The following ASB3 variants were observed in gnomAD, a reference collection of about 807,000 sequenced individuals.
The protein encoded by ASB3 is ankyrin repeat and SOCS box containing 3.
A neutral mutation model predicts 54.5 loss-of-function variants in ASB3; 41 were observed. The ratio of observed to expected loss-of-function variants is 0.75; its 90% CI spans 0.59 to 0.98. The LOEUF (loss-of-function observed/expected upper bound fraction) is 0.98. Among genes scored for constraint, ASB3 ranks in the 50% least tolerant of loss-of-function variants. The pLI, the probability that ASB3 is intolerant of heterozygous loss-of-function variation, is 0.00. For synonymous variants in ASB3, 266 were observed against 221.2 expected (o/e 1.20, Z -1.80); for missense variants, 733 against 620.0 (o/e 1.18, Z -1.94).
chr2:53,685,060 T>A (rs1668562676), intron 9 of ASB3, among the ~76,000 whole-genome samples: 1 of 152,168 alleles, frequency 6.6e-6, no homozygotes, highest in Admixed American at 6.5e-5. Flanking sequence ...CGGGGAGGCA[T>A]GGAAAGGGCC....
intron 3 of ASB3, among the ~76,000 whole-genome samples, chr2:53,744,804 T>C (rs558505458): frequency 3.3e-5 from 5 of 152,344 alleles, no homozygotes; most frequent in Admixed American, 3.3e-4. Flanking sequence ...TTTTAGAATA[T>C]GTCAGCAGAG....
At chr2:53,769,351 C>T (rs116797837) in intron 1 of ASB3, among the ~76,000 whole-genome samples, 51 of 152,110 alleles carry the variant, frequency 3.4e-4, no homozygotes, top group African/African-American at 1.1e-3. Flanking sequence ...ATTGCCATTC[C>T]GAAAAGAAAA....
At chr2:53,712,845 G>A (rs1670183381) in intron 7 of ASB3, among the ~76,000 whole-genome samples, 1 of 152,160 alleles carries the variant, frequency 6.6e-6, no homozygotes, top group Non-Finnish European at 1.5e-5. Flanking sequence ...ACGGACTTAA[G>A]ATTTGGGATA....
Position 53,693,932 on chromosome 2 carries a change from T to A in ASB3, c.1321A>T (p.Met441Leu), listed in dbSNP as rs765025981. Reference sequence around the variant, plus strand: ...GCGTTTGAGGCACGAGCAGAGAGCATCCTTTCAACAGCTGGTGCAAGTGTC... The same window carrying A: ...GCGTTTGAGGCACGAGCAGAGAGCAACCTTTCAACAGCTGGTGCAAGTGTC... ...WKTLAPAVER[M>L]LSARASNAWI... is the part of the protein sequence containing the mutation. Residue 441 changes from methionine (M) to leucine (L), a missense_variant, in exon 9 of 10, where the codon ATG becomes TTG. Transcript: ENST00000263634. The A allele has an allele frequency of 6.2e-7, 1 of 1,613,644 alleles. No individual in the cohort carries two copies. The highest frequency in any genetic ancestry group is 1.1e-5 in the South Asian group (1 of 91,058).
intron 5 of ASB3, among the ~76,000 whole-genome samples, chr2:53,728,051 T>A (rs74258794): frequency 0.057 from 8,632 of 152,094 alleles, 453 homozygotes; most frequent in East Asian, 0.28. Context: ...ATTTTTTTTT[T>A]AATTGCCTAG....
chr2:53,676,773 CGTTTT>C (rs1558510289), intron 9 of ASB3, among the ~76,000 whole-genome samples: 2 of 151,852 alleles, frequency 1.3e-5, no homozygotes, highest in African/African-American at 4.8e-5. Flanking sequence ...TTTGTTTGTT[CGTTTT>C]GTTTTGTTTT....
intron 6 of ASB3, among the ~76,000 whole-genome samples, chr2:53,716,291 A>G (rs958625251): frequency 1.8e-4 from 28 of 152,320 alleles, no homozygotes; most frequent in East Asian, 9.6e-4. Context: ...GGATACAGCC[A>G]TAACTAGAGA....
In ASB3 at chr2:53,765,378, T is replaced by C. The variant is rs1412656776; in HGVS notation, c.195A>G (p.Ala65=). 1 of 1,614,114 alleles carries C rather than the reference T, an allele frequency of 6.2e-7. No homozygotes were observed. Among genetic ancestry groups the C allele is most frequent in the East Asian group, 2.2e-5 (1 of 44,904 alleles). The change falls in exon 2 of 10, where the codon GCA becomes GCG. Residue 65 remains alanine (A), a splice_region_variant and synonymous_variant. Transcript: ENST00000263634. ...CTCCATACCTTGAATTTACTTTACCTGCATTAATTAACATTTGCAAACATT... is the reference window on the plus strand; with the variant it reads ...CTCCATACCTTGAATTTACTTTACCCGCATTAATTAACATTTGCAAACATT... ...SVECLQMLIN[A]DSSENYIKMK... is the part of the protein sequence containing the mutation.
At chr2:53,709,813 G>C (rs77367875) in intron 7 of ASB3, among the ~76,000 whole-genome samples, 8 of 152,126 alleles carry the variant, frequency 5.3e-5, no homozygotes, top group African/African-American at 1.9e-4. Flanking sequence ...ATCAGGGCTT[G>C]TGTATGTGAT....
chr2:53,685,057 G>A (rs1361213108), intron 9 of ASB3, among the ~76,000 whole-genome samples: 1 of 152,202 alleles, frequency 6.6e-6, no homozygotes, highest in Non-Finnish European at 1.5e-5. Context: ...GCACGGGGAG[G>A]CATGGAAAGG....
chr2:53,779,218 T>C (rs1674516252), intron 1 of ASB3, among the ~76,000 whole-genome samples: 1 of 152,232 alleles, frequency 6.6e-6, no homozygotes, highest in African/African-American at 2.4e-5. Flanking sequence ...CCTTGCCCAT[T>C]TTTTAACTGG....
intron 9 of ASB3, among the ~76,000 whole-genome samples, chr2:53,693,318 A>C (rs1669013839): frequency 6.6e-6 from 1 of 152,150 alleles, no homozygotes; most frequent in South Asian, 2.1e-4. Context: ...AATTTTTTTA[A>C]GTGAGGTAAG....
intron 2 of ASB3, among the ~76,000 whole-genome samples, chr2:53,760,112 T>A (rs965861679): frequency 6.6e-6 from 1 of 152,146 alleles, no homozygotes; most frequent in Non-Finnish European, 1.5e-5. Context: ...TTTCTAATTA[T>A]GCCTGAAAGC....
At chr2:53,755,187 T>C (rs1017372901) in intron 2 of ASB3, among the ~76,000 whole-genome samples, 1 of 152,248 alleles carries the variant, frequency 6.6e-6, no homozygotes, top group Non-Finnish European at 1.5e-5. Context: ...TGTGAGTTAT[T>C]TCCTGGGAAT....
intron 1 of ASB3, among the ~76,000 whole-genome samples, chr2:53,778,902 C>T (rs1674498883): frequency 6.6e-6 from 1 of 152,146 alleles, no homozygotes; most frequent in South Asian, 2.1e-4. Context: ...GGTAAATACC[C>T]AGAAGTTGGA....
chr2:53,714,280 C>T, intron 7 of ASB3, 104 bp downstream of exon 7: 6 of 1,382,934 alleles, frequency 4.3e-6, no homozygotes, highest in Non-Finnish European at 5.8e-6. Flanking sequence ...AGCAATTTAG[C>T]ACTAACAGAG....
At chr2:53,690,663 A>G (rs1296669743) in intron 9 of ASB3, among the ~76,000 whole-genome samples, 1 of 151,756 alleles carries the variant, frequency 6.6e-6, no homozygotes, top group East Asian at 1.9e-4. Flanking sequence ...TCCCATTGCT[A>G]CGCTTTCCCT....
chr2:53,765,353 C>T (rs771591045), intron 2 of ASB3, 24 bp downstream of exon 2: 3 of 1,613,904 alleles, frequency 1.9e-6, no homozygotes, highest in Admixed American at 3.3e-5. Flanking sequence ...TAGGCAAAGC[C>T]TCCATACCTT....
At chr2:53,754,635 T>C (rs1672714694) in intron 2 of ASB3, among the ~76,000 whole-genome samples, 3 of 152,230 alleles carry the variant, frequency 2.0e-5, no homozygotes, top group Admixed American at 2.0e-4. Flanking sequence ...TGGGTTATAC[T>C]TCGGGCCAAT....
Sources: gnomAD v4.1 joint callset for allele counts (sites outside exome capture counted in the v4.1 genomes callset) on GRCh38, gnomAD v4.1.1 for gene constraint, MANE v1.5 for transcripts, NCBI Gene and HGNC (gene_info 2026-07-23, HGNC 2026-07-21) for gene names.